NALF1: variants seen among roughly 807,000 people sequenced by gnomAD.
NALF1 encodes the protein NALCN channel auxiliary factor 1.
Under a neutral mutation model 48.4 loss-of-function variants are expected in NALF1, and 3 were observed. The observed-to-expected ratio is 0.06, with a 90% CI of 0.03 to 0.16. The LOEUF is 0.16. NALF1 is among the 10% of genes least tolerant of loss of function. The pLI is 1.00. For synonymous variants in NALF1, 262 were observed against 245.7 expected (o/e 1.07, Z -0.62); for missense variants, 526 against 571.5 (o/e 0.92, Z 0.81).
intron 1 of NALF1, chr13:107,465,986 T>C: frequency 6.5e-6 from 1 of 153,142 alleles, no homozygotes; most frequent in Non-Finnish European, 1.5e-5. Flanking sequence ...CTGGGAAATT[T>C]ACAAAAGAAA....
chr13:107,754,844 T>C (rs1877047033), intron 1 of NALF1, among the ~76,000 whole-genome samples: 1 of 152,176 alleles, frequency 6.6e-6, no homozygotes, highest in Non-Finnish European at 1.5e-5. Flanking sequence ...ACCCACACTA[T>C]TAGAAAGGAG....
At chr13:107,439,797 C>T (rs1008773382) in intron 1 of NALF1, among the ~76,000 whole-genome samples, 5 of 152,232 alleles carry the variant, frequency 3.3e-5, no homozygotes, top group Non-Finnish European at 7.4e-5. Context: ...TTCACAGTGA[C>T]ACTAAGTTTT....
At chr13:107,726,230 G>A (rs777428597) in intron 1 of NALF1, among the ~76,000 whole-genome samples, 11 of 152,022 alleles carry the variant, frequency 7.2e-5, no homozygotes, top group Non-Finnish European at 1.3e-4. Flanking sequence ...ACTCTCTTAT[G>A]TTTTTTATTT....
intron 1 of NALF1, among the ~76,000 whole-genome samples, chr13:107,426,760 AG>A (rs1386187297): frequency 6.6e-6 from 1 of 152,138 alleles, no homozygotes; most frequent in Non-Finnish European, 1.5e-5. Flanking sequence ...CACAAATCAA[AG>A]GGTTTAATTA....
intron 1 of NALF1, among the ~76,000 whole-genome samples, chr13:107,432,030 A>C (rs1256550688): frequency 1.3e-5 from 2 of 152,168 alleles, no homozygotes; most frequent in Non-Finnish European, 2.9e-5. Context: ...GGCCATTTAC[A>C]AAGAAAAGAG....
At chr13:107,372,238 A>G (rs1883260701) in intron 1 of NALF1, among the ~76,000 whole-genome samples, 1 of 152,236 alleles carries the variant, frequency 6.6e-6, no homozygotes, top group African/African-American at 2.4e-5. Context: ...TGGAATTCAA[A>G]AAACATTAAA....
At chr13:107,529,296 GGTATTAACAAGTT>G (rs1238006960) in intron 1 of NALF1, among the ~76,000 whole-genome samples, 3 of 152,042 alleles carry the variant, frequency 2.0e-5, no homozygotes, top group African/African-American at 7.2e-5. Context: ...CCATAGCTCT[GGTATTAACAAGTT>G]GTATGACTTT....
Position 107,646,122 on chromosome 13 carries a change from C to T in NALF1, c.915+219560G>A, listed in dbSNP as rs542659303. On this transcript the variant is annotated intron_variant, in intron 1 of 2. Coordinates refer to ENST00000375915, the MANE Select transcript of NALF1 (RefSeq NM_001080396.3). ...ACCAGTCAGCACTGAGAGTTTTACACATCTTTTAAAATTGCATCTAACGTT... is the reference window on the plus strand; with the variant it reads ...ACCAGTCAGCACTGAGAGTTTTACATATCTTTTAAAATTGCATCTAACGTT... 7.9e-5 allele frequency among the ~76,000 whole-genome samples: 12 copies of T among 152,194 alleles called. 1 individual carries two copies. In the East Asian group the frequency reaches 2.3e-3, roughly 29 times the overall value.
intron 1 of NALF1, among the ~76,000 whole-genome samples, chr13:107,499,972 G>C (rs1875463744): frequency 1.3e-5 from 2 of 152,036 alleles, no homozygotes; most frequent in Non-Finnish European, 2.9e-5. Context: ...TAAAACGTCA[G>C]ATATAAAAGT....
At chr13:107,428,451 G>A (rs1423117653) in intron 1 of NALF1, among the ~76,000 whole-genome samples, 1 of 152,092 alleles carries the variant, frequency 6.6e-6, no homozygotes, top group Non-Finnish European at 1.5e-5. Context: ...GTAAAAAGTT[G>A]TTCTCTGGAT....
intron 1 of NALF1, among the ~76,000 whole-genome samples, chr13:107,756,041 T>C (rs1215858294): frequency 1.3e-5 from 2 of 152,228 alleles, no homozygotes; most frequent in African/African-American, 4.8e-5. Context: ...TCTTGCTTCC[T>C]AGGTTACTAA....
At chr13:107,288,646 C>T (rs1412545321) in intron 1 of NALF1, among the ~76,000 whole-genome samples, 1 of 151,812 alleles carries the variant, frequency 6.6e-6, no homozygotes, top group African/African-American at 2.4e-5. Flanking sequence ...ATTGTCCTGC[C>T]TCAGCCTCCG....
intron 1 of NALF1, among the ~76,000 whole-genome samples, chr13:107,706,943 G>A (rs1349569270): frequency 6.3e-5 from 3 of 47,276 alleles, no homozygotes; most frequent in Non-Finnish European, 1.1e-4. Flanking sequence ...TTTTTTTTGA[G>A]ACGGAGTCTC....
rs534547983 is a variant in NALF1 at position 107,240,408 on chromosome 13, A to G, written c.916-29653T>C. On this transcript the variant is annotated intron_variant, in intron 1 of 2. Coordinates refer to ENST00000375915, the MANE Select transcript of NALF1 (RefSeq NM_001080396.3). ...CACACTATAACAGCAAGTTCACTTC[A>G]TCTCTATCTCAGTTTCCTAACCTAC... 2.6e-5 allele frequency among the ~76,000 whole-genome samples: 4 copies of G among 152,362 alleles called. No homozygotes were observed. The South Asian group carries it at 8.3e-4, about 32-fold the overall frequency.
intron 1 of NALF1, among the ~76,000 whole-genome samples, chr13:107,682,978 G>T (rs1258290869): frequency 6.6e-6 from 1 of 152,160 alleles, no homozygotes; most frequent in East Asian, 1.9e-4. Flanking sequence ...TATTTAAAAT[G>T]GGAAGTGGGC....
At chr13:107,656,661 T>A (rs1402644356) in intron 1 of NALF1, among the ~76,000 whole-genome samples, 1 of 152,154 alleles carries the variant, frequency 6.6e-6, no homozygotes, top group African/African-American at 2.4e-5. Flanking sequence ...CTACTGGGTA[T>A]CTACCTAGAG....
chr13:107,573,518 T>C (rs1232648827), intron 1 of NALF1, among the ~76,000 whole-genome samples: 2 of 152,136 alleles, frequency 1.3e-5, no homozygotes, highest in Non-Finnish European at 2.9e-5. Context: ...CATCCAGATA[T>C]GGAAACGTAG....
At chr13:107,194,468 G>T (rs1004923567) in intron 2 of NALF1, among the ~76,000 whole-genome samples, 1 of 152,086 alleles carries the variant, frequency 6.6e-6, no homozygotes, top group Non-Finnish European at 1.5e-5. Flanking sequence ...AATATAAATT[G>T]GGGAAAGGAC....
At chr13:107,375,923 TACACAC>T (rs373266204) in intron 1 of NALF1, among the ~76,000 whole-genome samples, 2 of 149,316 alleles carry the variant, frequency 1.3e-5, no homozygotes, top group Admixed American at 1.3e-4. Context: ...CAACCTGCTA[TACACAC>T]ACACACACAC....
Sources: gnomAD v4.1 joint callset for allele counts (sites outside exome capture counted in the v4.1 genomes callset) on GRCh38, gnomAD v4.1.1 for gene constraint, MANE v1.5 for transcripts, NCBI Gene and HGNC (gene_info 2026-07-23, HGNC 2026-07-21) for gene names.